The following NBEA variants were observed in gnomAD, a reference collection of about 807,000 sequenced individuals.
The protein encoded by NBEA is neurobeachin.
NBEA carries 44 observed loss-of-function variants against 343.4 expected under a neutral mutation model. That is an observed-to-expected ratio of 0.13 (90% CI 0.10 to 0.16). NBEA has a LOEUF of 0.16. Among genes scored for constraint, NBEA ranks in the 10% least tolerant of loss-of-function variants. The pLI is 1.00. For missense variants in NBEA, 2,555 were observed against 3,631.3 expected (o/e 0.70, Z 7.62); for synonymous variants, 1,175 against 1,238.7 (o/e 0.95, Z 1.08).
chr13:34,989,128 A>G (rs188504266), intron 1 of NBEA, among the ~76,000 whole-genome samples: 2 of 151,012 alleles, frequency 1.3e-5, no homozygotes, highest in East Asian at 1.9e-4. Flanking sequence ...TGATTCTTCT[A>G]CATCTCTAGC....
chr13:35,417,425 G>T (rs2043987198), intron 38 of NBEA, among the ~76,000 whole-genome samples: 1 of 152,026 alleles, frequency 6.6e-6, no homozygotes, highest in Non-Finnish European at 1.5e-5. Context: ...CCGAGATTCT[G>T]CTATGTTGTG....
intron 45 of NBEA, among the ~76,000 whole-genome samples, chr13:35,581,062 C>T (rs2081006307): frequency 6.6e-6 from 1 of 152,132 alleles, no homozygotes; most frequent in African/African-American, 2.4e-5. Context: ...ACATTTTATG[C>T]ACGTGAGAGG....
At chr13:35,140,904 A>G (rs778788531) in intron 17 of NBEA, among the ~76,000 whole-genome samples, 1 of 152,116 alleles carries the variant, frequency 6.6e-6, no homozygotes, top group Non-Finnish European at 1.5e-5. Context: ...TGATTTAGAG[A>G]CCCAGGCAGC....
rs1308290497 is a variant in NBEA at position 35,425,810 on chromosome 13, G to A, written c.6180-6459G>A. 2.6e-5 allele frequency among the ~76,000 whole-genome samples: 4 copies of A among 152,158 alleles called. 1 individual carries two copies. The highest frequency in any genetic ancestry group is 1.3e-4 in the Admixed American group (2 of 15,276). On this transcript the variant is annotated intron_variant, in intron 38 of 58. Transcript: ENST00000379939. Reference sequence around the variant, plus strand: ...TCTCTTTGTAGGTCACTAAGGACTTGCTTTATGAATCTGGGTGCTCCTGTA... The same window carrying A: ...TCTCTTTGTAGGTCACTAAGGACTTACTTTATGAATCTGGGTGCTCCTGTA...
intron 37 of NBEA, among the ~76,000 whole-genome samples, 160 bp from the exon 38 acceptor site, chr13:35,351,997 A>G (rs935941965): frequency 2.6e-5 from 4 of 152,088 alleles, no homozygotes; most frequent in Non-Finnish European, 4.4e-5. Flanking sequence ...TTATATTTGA[A>G]AGGTGACTAT....
intron 1 of NBEA, among the ~76,000 whole-genome samples, chr13:35,009,203 G>T (rs909887409): frequency 6.6e-6 from 1 of 152,198 alleles, no homozygotes; most frequent in Non-Finnish European, 1.5e-5. Flanking sequence ...AGTACTGGAG[G>T]TATAGTAGTG....
At chr13:35,597,019 C>T (rs1163709422) in intron 47 of NBEA, among the ~76,000 whole-genome samples, 1 of 152,122 alleles carries the variant, frequency 6.6e-6, no homozygotes, top group Non-Finnish European at 1.5e-5. Context: ...ATGGTACGCT[C>T]TCTCAGCAAA....
At chr13:35,622,726 A>T (rs1286301860) in intron 48 of NBEA, among the ~76,000 whole-genome samples, 2 of 152,208 alleles carry the variant, frequency 1.3e-5, no homozygotes, top group African/African-American at 4.8e-5. Context: ...TTTTAATCTC[A>T]AAAGCAGATT....
chr13:35,548,348 T>A (rs565438250), intron 41 of NBEA, among the ~76,000 whole-genome samples: 1 of 152,258 alleles, frequency 6.6e-6, no homozygotes, highest in Admixed American at 6.5e-5. Flanking sequence ...TAAAAACTGA[T>A]AACATGCTTA....
intron 18 of NBEA, among the ~76,000 whole-genome samples, chr13:35,145,014 T>A (rs1298409775): frequency 6.6e-6 from 1 of 152,202 alleles, no homozygotes; most frequent in African/African-American, 2.4e-5. Flanking sequence ...ATATTGAAAT[T>A]ATGTAGCCAG....
At chr13:35,088,084 A>G (rs2064868019) in intron 10 of NBEA, among the ~76,000 whole-genome samples, 1 of 151,876 alleles carries the variant, frequency 6.6e-6, no homozygotes, top group Non-Finnish European at 1.5e-5. Flanking sequence ...TACCATAGTT[A>G]GTGTCAGACA....
chr13:35,628,672 C>A (rs1455239889), intron 49 of NBEA, among the ~76,000 whole-genome samples: 1 of 152,206 alleles, frequency 6.6e-6, no homozygotes, highest in South Asian at 2.1e-4. Context: ...AATTCCAGCA[C>A]TTTGGGAGGC....
intron 34 of NBEA, among the ~76,000 whole-genome samples, chr13:35,258,090 T>C (rs1247353907): frequency 1.3e-5 from 2 of 152,112 alleles, no homozygotes; most frequent in Non-Finnish European, 2.9e-5. Flanking sequence ...TAATGTTTCA[T>C]GAATTGGAAG....
rs138204912 is a variant in NBEA, at chr13:35,519,785, T to A, written c.6586-30692T>A. Among the ~76,000 whole-genome samples, 37 of 152,350 alleles carry A rather than the reference T, an allele frequency of 2.4e-4. No homozygotes were observed. The East Asian group carries it at 7.1e-3, about 29-fold the overall frequency. On this transcript the variant is annotated intron_variant, in intron 41 of 58. Coordinates refer to ENST00000379939, the MANE Select transcript of NBEA (RefSeq NM_001385012.1). ...ATCATTTCTTGTATTGGGAACATTT[T>A]GAATATTCTACCTATTTTGAAATAT...
chr13:35,066,487 A>C (rs189180433), intron 8 of NBEA, among the ~76,000 whole-genome samples: 1 of 152,088 alleles, frequency 6.6e-6, no homozygotes, highest in African/African-American at 2.4e-5. Context: ...TTGGGTGCAC[A>C]TATGTTTACA....
At chr13:35,095,156 T>G (rs1410118826) in intron 10 of NBEA, among the ~76,000 whole-genome samples, 1 of 151,710 alleles carries the variant, frequency 6.6e-6, no homozygotes, top group Non-Finnish European at 1.5e-5. Context: ...TATATTGAAT[T>G]CTAAATAATA....
At chr13:35,447,750 T>G (rs2046121892) in intron 39 of NBEA, among the ~76,000 whole-genome samples, 1 of 152,202 alleles carries the variant, frequency 6.6e-6, no homozygotes, top group Non-Finnish European at 1.5e-5. Context: ...GTTTGTGGTA[T>G]TCGCTTGTTA....
At chr13:35,006,149 A>G (rs188023126) in intron 1 of NBEA, among the ~76,000 whole-genome samples, 5 of 152,222 alleles carry the variant, frequency 3.3e-5, no homozygotes, top group East Asian at 1.9e-4. Context: ...TAAACATACC[A>G]TATTACCAAG....
intron 34 of NBEA, among the ~76,000 whole-genome samples, chr13:35,258,139 G>A (rs539638447): frequency 3.6e-4 from 54 of 150,190 alleles, no homozygotes; most frequent in African/African-American, 1.3e-3. Context: ...TTCTTTGAAG[G>A]TTTGGGATTG....
Sources: allele counts gnomAD v4.1 joint callset (sites outside exome capture counted in the v4.1 genomes callset), GRCh38; gene constraint gnomAD v4.1.1; transcripts MANE v1.5; gene names NCBI Gene and HGNC (gene_info 2026-07-23, HGNC 2026-07-21).